NDST3: variants seen among roughly 807,000 people sequenced by gnomAD.
NDST3 encodes the protein bifunctional heparan sulfate N-deacetylase/N-sulfotransferase 3.
Under a neutral mutation model 96.1 loss-of-function variants are expected in NDST3, and 58 were observed. The ratio of observed to expected loss-of-function variants is 0.60; its 90% CI spans 0.49 to 0.75. The LOEUF is 0.75. NDST3 is among the 30% of genes least tolerant of loss of function. The pLI is 0.00. For missense variants in NDST3, 788 were observed against 1,034.2 expected (o/e 0.76, Z 3.27); for synonymous variants, 333 against 359.7 (o/e 0.93, Z 0.84).
intron 2 of NDST3, among the ~76,000 whole-genome samples, chr4:118,094,907 G>A (rs1288235239): frequency 6.6e-6 from 1 of 151,812 alleles, no homozygotes; most frequent in Non-Finnish European, 1.5e-5. Flanking sequence ...GATAGGCTGA[G>A]CATTTATTTA....
chr4:118,233,162 A>G (rs373183234), intron 9 of NDST3, 27 bp downstream of exon 9: 1 of 1,592,740 alleles, frequency 6.3e-7, no homozygotes, highest in Non-Finnish European at 8.6e-7. Flanking sequence ...GTATAAATCT[A>G]AAAGTATATG....
At chr4:118,213,865 A>G (rs1739011718) in intron 6 of NDST3, among the ~76,000 whole-genome samples, 1 of 152,020 alleles carries the variant, frequency 6.6e-6, no homozygotes, top group Non-Finnish European at 1.5e-5. Context: ...CACTTATGAT[A>G]TAGACTTCAA....
At chr4:118,106,353 T>C (rs1332624193) in intron 3 of NDST3, among the ~76,000 whole-genome samples, 1 of 152,132 alleles carries the variant, frequency 6.6e-6, no homozygotes, top group Non-Finnish European at 1.5e-5. Context: ...ACATGAATTT[T>C]TTTTCTTTTT....
chr4:118,072,948 T>C (rs1233494315), intron 2 of NDST3, among the ~76,000 whole-genome samples: 1 of 152,146 alleles, frequency 6.6e-6, no homozygotes, highest in Non-Finnish European at 1.5e-5. Context: ...GGAAGTTGAA[T>C]TTTATCGAAA....
In NDST3 at chr4:118,088,949, T is replaced by C. The variant is rs530855720; in HGVS notation, c.982-16069T>C. Among the ~76,000 whole-genome samples the C allele has an allele frequency of 3.9e-5, 6 of 152,052 alleles. No individual in the cohort carries two copies. In the South Asian group the frequency reaches 1.0e-3, roughly 26 times the overall value. On this transcript the variant is annotated intron_variant, in intron 2 of 13. Coordinates refer to ENST00000296499, the MANE Select transcript of NDST3 (RefSeq NM_004784.3). ...TAGACAAAAGAAAATTGTAGGTTTC[T>C]AGGTCTACTCAATTAAAGCAATTGA... is the stretch of plus-strand genomic sequence containing the variant.
chr4:118,063,138 C>T (rs532304424), intron 2 of NDST3, among the ~76,000 whole-genome samples: 7 of 149,352 alleles, frequency 4.7e-5, no homozygotes, highest in Non-Finnish European at 1.0e-4. Flanking sequence ...TGCAGTGAGC[C>T]GAGATCTCAC....
chr4:118,241,433 T>C (rs752334426), intron 11 of NDST3, among the ~76,000 whole-genome samples: 1 of 152,212 alleles, frequency 6.6e-6, no homozygotes, highest in Non-Finnish European at 1.5e-5. Flanking sequence ...AAGACCTGCT[T>C]TGCAGGCTTT....
chr4:118,126,976 G>A (rs1214750479), intron 4 of NDST3, among the ~76,000 whole-genome samples: 1 of 151,892 alleles, frequency 6.6e-6, no homozygotes, highest in Non-Finnish European at 1.5e-5. Flanking sequence ...ATGCCTGTTT[G>A]CCATTTGTAT....
intron 2 of NDST3, among the ~76,000 whole-genome samples, chr4:118,098,108 G>A (rs1198710060): frequency 6.6e-6 from 1 of 151,772 alleles, no homozygotes; most frequent in Non-Finnish European, 1.5e-5. Context: ...TACTTAAGGA[G>A]TTTCATACCT....
chr4:118,207,072 A>C (rs1198288207), intron 6 of NDST3, among the ~76,000 whole-genome samples: 1 of 142,506 alleles, frequency 7.0e-6, no homozygotes, highest in African/African-American at 2.6e-5. Flanking sequence ...TTAAATTTTT[A>C]AAAATTAATA....
At chr4:118,042,028 A>T (rs1419653523) in intron 1 of NDST3, among the ~76,000 whole-genome samples, 1 of 152,234 alleles carries the variant, frequency 6.6e-6, no homozygotes. Flanking sequence ...TTTGTAGCAC[A>T]TTCAGACGTG....
chr4:118,139,088 A>C (rs2125900464), intron 5 of NDST3, among the ~76,000 whole-genome samples: 1 of 152,308 alleles, frequency 6.6e-6, no homozygotes, highest in South Asian at 2.1e-4. Flanking sequence ...TGTCTGCAAA[A>C]ATTACAGAGT....
chr4:118,065,246 T>C (rs992672913), intron 2 of NDST3, among the ~76,000 whole-genome samples: 3 of 152,164 alleles, frequency 2.0e-5, no homozygotes, highest in Admixed American at 2.0e-4. Context: ...CAAGAAACTC[T>C]GCTACTCTAC....
intron 6 of NDST3, among the ~76,000 whole-genome samples, chr4:118,199,190 A>T (rs1737901629): frequency 6.6e-6 from 1 of 152,004 alleles, no homozygotes; most frequent in South Asian, 2.1e-4. Flanking sequence ...TAACTCTTAG[A>T]TTTGCCCTTT....
At chr4:118,157,351 G>A (rs181415511) in intron 6 of NDST3, among the ~76,000 whole-genome samples, 52 of 151,270 alleles carry the variant, frequency 3.4e-4, no homozygotes, top group African/African-American at 1.2e-3. Flanking sequence ...GGGGGATGGT[G>A]GGATGAGAGC....
intron 2 of NDST3, among the ~76,000 whole-genome samples, chr4:118,077,788 C>G (rs1408784209): frequency 6.6e-6 from 1 of 152,246 alleles, no homozygotes; most frequent in Non-Finnish European, 1.5e-5. Context: ...GTGGAGCCCA[C>G]CTAATCTGCT....
Position 118,212,342 on chromosome 4 carries a change from C to T in NDST3, c.1540-12149C>T, listed in dbSNP as rs1418302498. Among the ~76,000 whole-genome samples the T allele has an allele frequency of 2.6e-5, 4 of 152,066 alleles. No homozygotes were observed. The East Asian group carries it at 7.7e-4, about 29-fold the overall frequency. ...CTTGAGCAGCCCAGAAGTTTGAGAC[C>T]AGCCTGAGCAACATGGCGAAACCCC... is the stretch of plus-strand genomic sequence containing the variant. On this transcript the variant is annotated intron_variant, in intron 6 of 13. Coordinates refer to ENST00000296499, the MANE Select transcript of NDST3 (RefSeq NM_004784.3).
At chr4:118,137,837 C>T (rs911821667) in intron 4 of NDST3, among the ~76,000 whole-genome samples, 1 of 152,118 alleles carries the variant, frequency 6.6e-6, no homozygotes, top group African/African-American at 2.4e-5. Context: ...TCTCACCACC[C>T]CTCAAACACA....
intron 6 of NDST3, chr4:118,193,428 A>T: frequency 1.5e-6 from 1 of 683,216 alleles, no homozygotes; most frequent in Non-Finnish European, 2.4e-6. Context: ...TCCACTTGAG[A>T]CTGGCTCTCT....
Sources: allele counts gnomAD v4.1 joint callset (sites outside exome capture counted in the v4.1 genomes callset), GRCh38; gene constraint gnomAD v4.1.1; transcripts MANE v1.5; gene names NCBI Gene and HGNC (gene_info 2026-07-23, HGNC 2026-07-21).